The following CCDC88C variants were observed in gnomAD, a reference collection of about 807,000 sequenced individuals.
CCDC88C encodes the protein protein Daple.
A neutral mutation model predicts 198.8 loss-of-function variants in CCDC88C; 131 were observed. That is an observed-to-expected ratio of 0.66 (90% confidence interval 0.57 to 0.76). The LOEUF (loss-of-function observed/expected upper bound fraction) is 0.76. Ranked by LOEUF, CCDC88C falls within the 30% of genes least tolerant of loss-of-function variation. The pLI is 0.00. For synonymous variants in CCDC88C, 1,166 were observed against 1,114.7 expected, an observed-to-expected ratio of 1.05 and a Z score of -0.92; for missense variants, 2,553 against 2,631.6, an observed-to-expected ratio of 0.97 and a Z score of 0.65.
intron 3 of CCDC88C, among the ~76,000 whole-genome samples, chr14:91,396,309 G>A (rs1885835218): frequency 1.3e-5 from 2 of 152,242 alleles, no homozygotes; most frequent in East Asian, 1.9e-4. Context: ...CCAAACCCAA[G>A]GCAAAGGAGA....
At chr14:91,297,702 G>A (rs117367427) in intron 21 of CCDC88C, among the ~76,000 whole-genome samples, 4 of 152,050 alleles carry the variant, frequency 2.6e-5, no homozygotes, top group Non-Finnish European at 5.9e-5. Flanking sequence ...CTTTGGGGAT[G>A]CATGAGGGTA....
chr14:91,394,810 C>T (rs888480780), intron 3 of CCDC88C, among the ~76,000 whole-genome samples: 2 of 152,160 alleles, frequency 1.3e-5, no homozygotes, highest in South Asian at 2.1e-4. Flanking sequence ...GACAGGCACA[C>T]GTGCACACTC....
At chr14:91,340,115 C>T (rs1893257577) in intron 6 of CCDC88C, 91 bp from the exon 7 acceptor site, 1 of 1,510,586 alleles carries the variant, frequency 6.6e-7, no homozygotes, top group Non-Finnish European at 9.0e-7. Flanking sequence ...TCCAATCAAC[C>T]TTACTAATCC....
intron 3 of CCDC88C, among the ~76,000 whole-genome samples, chr14:91,366,434 C>T (rs911531910): frequency 7.2e-5 from 11 of 152,050 alleles, no homozygotes; most frequent in South Asian, 2.1e-4. Flanking sequence ...TGCAGTGAGC[C>T]GAGATTGCGC....
intron 3 of CCDC88C, among the ~76,000 whole-genome samples, chr14:91,365,261 C>T (rs1272240330): frequency 2.0e-5 from 3 of 152,208 alleles, no homozygotes; most frequent in Admixed American, 1.3e-4. Context: ...AGAGGCAGGA[C>T]AGAATGAGTG....
intron 19 of CCDC88C, among the ~76,000 whole-genome samples, chr14:91,305,312 C>T (rs972392233): frequency 2.0e-5 from 3 of 152,218 alleles, no homozygotes; most frequent in Non-Finnish European, 4.4e-5. Flanking sequence ...ATGCTCTCAA[C>T]AGTCTGGGAG....
intron 4 of CCDC88C, among the ~76,000 whole-genome samples, chr14:91,345,724 G>T (rs1244819033): frequency 6.6e-6 from 1 of 152,034 alleles, no homozygotes; most frequent in Non-Finnish European, 1.5e-5. Flanking sequence ...TCTGAGCTGT[G>T]TCTCTTTGAT....
chr14:91,359,819 C>G (rs761057982), intron 3 of CCDC88C, 108 bp from the exon 4 acceptor site: 4 of 955,458 alleles, frequency 4.2e-6, no homozygotes, highest in Non-Finnish European at 5.0e-6. Context: ...CACAGCCATC[C>G]CGTGGTGACT....
chr14:91,327,540 A>T (rs1200201241), intron 10 of CCDC88C, among the ~76,000 whole-genome samples: 1 of 152,208 alleles, frequency 6.6e-6, no homozygotes, highest in Non-Finnish European at 1.5e-5. Flanking sequence ...AAAAAATAAG[A>T]AATGAGCTCA....
intron 3 of CCDC88C, 139 bp from the exon 4 acceptor site, chr14:91,359,850 G>T: frequency 1.4e-6 from 1 of 722,098 alleles, no homozygotes; most frequent in Non-Finnish European, 2.5e-6. Context: ...TAAAATGACA[G>T]CAAGGAGCAC....
At chr14:91,417,584 G>A (rs769838196) in intron 1 of CCDC88C, 47 bp downstream of exon 1, 2 of 1,544,244 alleles carry the variant, frequency 1.3e-6, no homozygotes, top group Non-Finnish European at 1.8e-6. Context: ...CCGGGCTAGA[G>A]AGAAGCCGGT....
Position 91,288,416 on chromosome 14 carries a change from G to A in CCDC88C, c.4441+689C>T, listed in dbSNP as rs890095188. ...GATAAACCACCCAAGGCTTTCGGGA[G>A]GTCTTATATACATGGAGAACGTGTT... is the stretch of plus-strand genomic sequence containing the variant. On this transcript the variant is annotated intron_variant, in intron 25 of 29. Coordinates refer to ENST00000389857, the MANE Select transcript of CCDC88C (RefSeq NM_001080414.4). This position sits in a 1 kb window ranked among gnomAD's most constrained non-coding sequence, Gnocchi z 4.2. Among the ~76,000 whole-genome samples the A allele has an allele frequency of 7.2e-5, 11 of 152,172 alleles. No homozygotes were observed. Among genetic ancestry groups the A allele is most frequent in the African/African-American group, 2.4e-4 (10 of 41,442 alleles).
rs188453141 is a variant in CCDC88C, at chr14:91,281,641, G to A, written c.4631-116C>T. 1,706 of 855,004 alleles carry A rather than the reference G, an allele frequency of 2.0e-3. 7 individuals are homozygous for A. The highest frequency in any genetic ancestry group is 2.6e-3 in the Non-Finnish European group (1,361 of 516,808). 53.0% of individuals were successfully genotyped at this position (855,004 alleles called of 1,614,324 possible). ...GTAGCTCCAGCTCTTGGGGATGAGGGAATGGCATGCAGATGCTGCCTTTGG... is the reference window on the plus strand; with the variant it reads ...GTAGCTCCAGCTCTTGGGGATGAGGAAATGGCATGCAGATGCTGCCTTTGG... On this transcript the variant is annotated intron_variant, in intron 26 of 29. Transcript: ENST00000389857.
intron 28 of CCDC88C, 109 bp downstream of exon 28, chr14:91,279,129 G>T: frequency 1.2e-6 from 1 of 865,966 alleles, no homozygotes; most frequent in Non-Finnish European, 1.9e-6. Context: ...CTAACTCCTG[G>T]GCTCAAGCGA....
chr14:91,391,805 T>C, intron 3 of CCDC88C, among the ~76,000 whole-genome samples: 1 of 151,974 alleles, frequency 6.6e-6, no homozygotes, highest in Non-Finnish European at 1.5e-5. Flanking sequence ...AAGAGGCAGC[T>C]TCCTAAAAGA....
At chr14:91,285,843 T>C in intron 25 of CCDC88C, 1 of 1,282,528 alleles carries the variant, frequency 7.8e-7, no homozygotes, top group Non-Finnish European at 1.0e-6. Context: ...GGTGCTAAAT[T>C]GTTATCAATC....
chr14:91,345,265 T>A (rs1893498397), intron 4 of CCDC88C, among the ~76,000 whole-genome samples: 1 of 136,118 alleles, frequency 7.3e-6, no homozygotes, highest in Admixed American at 7.6e-5. Context: ...CAATTTTGGC[T>A]CACTTCCACC....
rs8017119 is a variant in CCDC88C, at chr14:91,294,316, C to A, written c.3969G>T (p.Leu1323=). Residue 1323 remains leucine (L), a splice_region_variant and synonymous_variant, in exon 23 of 30, where the codon CTG becomes CTT. Coordinates refer to ENST00000389857, the MANE Select transcript of CCDC88C (RefSeq NM_001080414.4). ...CCAAGTTCCCCTTGAGACGGGAGAGCAGCTAGAACACAGACCAACAGCGTC... is the reference window on the plus strand; with the variant it reads ...CCAAGTTCCCCTTGAGACGGGAGAGAAGCTAGAACACAGACCAACAGCGTC... ...SLTKLDNHCE[L]LSRLKGNLEE... 1 of 1,613,824 alleles carries A rather than the reference C, an allele frequency of 6.2e-7. No individual in the cohort carries two copies. The highest frequency in any genetic ancestry group is 1.3e-5 in the African/African-American group (1 of 75,040).
intron 10 of CCDC88C, among the ~76,000 whole-genome samples, chr14:91,330,472 A>G (rs1282129303): frequency 6.6e-6 from 1 of 152,160 alleles, no homozygotes; most frequent in Non-Finnish European, 1.5e-5. Context: ...AGTCCAGACC[A>G]TTAGGGAGGC....
Sources: gnomAD v4.1 joint callset for allele counts (sites outside exome capture counted in the v4.1 genomes callset) on GRCh38, gnomAD v4.1.1 for gene constraint, Gnocchi (gnomAD v3.1) non-coding constraint, MANE v1.5 for transcripts, NCBI Gene and HGNC (gene_info 2026-07-23, HGNC 2026-07-21) for gene names.